Variants in LRRC7 observed in about 807,000 individuals in gnomAD.
LRRC7 encodes leucine-rich repeat-containing protein 7.
LRRC7 carries 23 observed loss-of-function variants against 175.7 expected under a neutral mutation model. The observed-to-expected ratio is 0.13, with a 90% CI of 0.09 to 0.19. The LOEUF (loss-of-function observed/expected upper bound fraction) is 0.19, where lower values mean the gene tolerates loss of function less well. LRRC7 is among the 10% of genes least tolerant of loss of function. The pLI is 1.00. For synonymous variants in LRRC7, 685 were observed against 680.9 expected (o/e 1.01, Z -0.09); for missense variants, 1,354 against 1,904.7 (o/e 0.71, Z 5.38).
intron 23 of LRRC7, among the ~76,000 whole-genome samples, chr1:70,071,159 C>A (rs1009781034): frequency 6.6e-6 from 1 of 152,016 alleles, no homozygotes; most frequent in African/African-American, 2.4e-5. Context: ...TCTTTCCTAT[C>A]CATTGGTTAG....
intron 10 of LRRC7, among the ~76,000 whole-genome samples, chr1:69,986,719 A>G (rs2101898502): frequency 6.6e-6 from 1 of 152,324 alleles, no homozygotes; most frequent in East Asian, 1.9e-4. Flanking sequence ...GTATCCTTAT[A>G]TTATGATAGA....
intron 7 of LRRC7, among the ~76,000 whole-genome samples, chr1:69,918,247 A>G (rs35297595): frequency 0.36 from 54,902 of 152,126 alleles, 12,144 homozygotes; most frequent in East Asian, 0.55. Flanking sequence ...CCAAAATGTC[A>G]GTAGTGCTGA....
intron 25 of LRRC7, among the ~76,000 whole-genome samples, chr1:70,097,468 T>C (rs936185483): frequency 2.6e-5 from 4 of 152,180 alleles, no homozygotes; most frequent in African/African-American, 7.2e-5. Context: ...TTTTTACCAT[T>C]TTTTTATTGT....
intron 2 of LRRC7, among the ~76,000 whole-genome samples, chr1:69,719,457 TAAAC>T (rs1320750247): frequency 1.1e-4 from 17 of 151,764 alleles, no homozygotes; most frequent in Non-Finnish European, 2.5e-4. Context: ...AATCCTTAAA[TAAAC>T]AAATAGGACT....
chr1:69,928,918 T>C (rs1647182190), intron 7 of LRRC7, among the ~76,000 whole-genome samples: 1 of 152,236 alleles, frequency 6.6e-6, no homozygotes, highest in South Asian at 2.1e-4. Flanking sequence ...CTGGGAGCTG[T>C]AGACCGGAGC....
intron 1 of LRRC7, among the ~76,000 whole-genome samples, chr1:69,632,153 CA>C (rs1216455902): frequency 1.3e-5 from 2 of 152,134 alleles, no homozygotes; most frequent in Non-Finnish European, 2.9e-5. Flanking sequence ...GCTAGGACCC[CA>C]TGCATTTCTT....
chr1:69,729,362 G>A (rs1477180213), intron 2 of LRRC7, among the ~76,000 whole-genome samples: 2 of 152,042 alleles, frequency 1.3e-5, no homozygotes, highest in Non-Finnish European at 2.9e-5. Context: ...GACAAGGCAA[G>A]TCCCTTATAT....
chr1:69,937,889 A>T (rs902338570), intron 8 of LRRC7, among the ~76,000 whole-genome samples: 1 of 152,014 alleles, frequency 6.6e-6, no homozygotes, highest in Admixed American at 6.6e-5. Flanking sequence ...ACATAAAATT[A>T]TACGGTATTA....
intron 1 of LRRC7, among the ~76,000 whole-genome samples, chr1:69,627,347 TG>T (rs1399289917): frequency 6.6e-6 from 1 of 152,226 alleles, no homozygotes; most frequent in East Asian, 1.9e-4. Context: ...TTTTTTCATG[TG>T]TCTGTTGGCT....
chr1:69,731,737 A>G (rs1239636786), intron 2 of LRRC7, among the ~76,000 whole-genome samples: 1 of 152,206 alleles, frequency 6.6e-6, no homozygotes, highest in Non-Finnish European at 1.5e-5. Flanking sequence ...AGGTGTCTCC[A>G]TCTATGAAAG....
intron 7 of LRRC7, among the ~76,000 whole-genome samples, chr1:69,896,561 T>C (rs1645985122): frequency 1.3e-5 from 2 of 152,182 alleles, no homozygotes; most frequent in Non-Finnish European, 2.9e-5. Context: ...GCTGAAATGG[T>C]TGTGGCTAGA....
At chr1:69,701,533 C>A (rs1663359198) in intron 2 of LRRC7, among the ~76,000 whole-genome samples, 1 of 152,132 alleles carries the variant, frequency 6.6e-6, no homozygotes, top group Non-Finnish European at 1.5e-5. Flanking sequence ...TTGTTCTCAT[C>A]TCCCATATTA....
chr1:69,668,598 A>G (rs1658615278), intron 1 of LRRC7, among the ~76,000 whole-genome samples: 1 of 152,226 alleles, frequency 6.6e-6, no homozygotes, highest in African/African-American at 2.4e-5. Context: ...TAGTGCTGCA[A>G]TAAACATATG....
At chr1:69,757,088 G>A (rs1296119536) in intron 2 of LRRC7, among the ~76,000 whole-genome samples, 3 of 151,990 alleles carry the variant, frequency 2.0e-5, no homozygotes, top group Non-Finnish European at 2.9e-5. Context: ...ATCAATGAAA[G>A]AATGGGAATG....
intron 8 of LRRC7, among the ~76,000 whole-genome samples, chr1:69,960,108 C>T (rs141094485): frequency 8.2e-4 from 124 of 152,140 alleles, no homozygotes; most frequent in Middle Eastern, 3.4e-3. Context: ...GTGAATCCGT[C>T]TGGTCCTGGG....
intron 8 of LRRC7, among the ~76,000 whole-genome samples, chr1:69,965,541 T>C (rs1184600492): frequency 6.6e-6 from 1 of 152,148 alleles, no homozygotes; most frequent in East Asian, 1.9e-4. Context: ...ATCTACTTAT[T>C]TATTCATTCA....
At position 69,637,168 on chromosome 1, in the gene LRRC7, G is replaced by T. The variant is rs572795784; in HGVS notation, c.3-41213G>T. ...TAACTAAACACCTAGATTCAGTGCG[G>T]GGATTTAGGGTGGCATTTGTTTCAT... is the stretch of plus-strand genomic sequence containing the variant. On this transcript the variant is annotated intron_variant, in intron 1 of 26. Coordinates refer to ENST00000651989, the MANE Select transcript of LRRC7 (RefSeq NM_001370785.2). Among the ~76,000 whole-genome samples, 439 of 151,684 alleles carry T rather than the reference G, an allele frequency of 2.9e-3. 1 individual carries two copies. Among genetic ancestry groups the T allele is most frequent in the African/African-American group, 0.01 (418 of 41,454 alleles).
chr1:69,923,424 A>C (rs377089576), intron 7 of LRRC7, among the ~76,000 whole-genome samples: 1 of 152,010 alleles, frequency 6.6e-6, no homozygotes, highest in African/African-American at 2.4e-5. Flanking sequence ...ACTAGTTTAC[A>C]GTCCCACCAA....
intron 1 of LRRC7, among the ~76,000 whole-genome samples, chr1:69,630,841 G>A (rs12078237): frequency 0.15 from 22,490 of 152,002 alleles, 2,221 homozygotes; most frequent in African/African-American, 0.28. Context: ...AATTAGACAA[G>A]CAACAAACTA....
Sources: allele counts gnomAD v4.1 joint callset (sites outside exome capture counted in the v4.1 genomes callset), GRCh38; gene constraint gnomAD v4.1.1; transcripts MANE v1.5; gene names NCBI Gene and HGNC (gene_info 2026-07-23, HGNC 2026-07-21).